Variants in EIF2AK3 observed in about 807,000 individuals in gnomAD.
EIF2AK3 encodes eukaryotic translation initiation factor 2-alpha kinase 3.
In EIF2AK3, 50 loss-of-function variants were observed where a neutral mutation model predicts 113.5. The ratio of observed to expected loss-of-function variants is 0.44; its 90% CI spans 0.35 to 0.56. The LOEUF (loss-of-function observed/expected upper bound fraction) is 0.56. Among genes scored for constraint, EIF2AK3 ranks in the 20% least tolerant of loss-of-function variants. The pLI, the probability that EIF2AK3 is intolerant of heterozygous loss-of-function variation, is 0.00. For synonymous variants in EIF2AK3, 448 were observed against 495.4 expected (o/e 0.90, Z 1.27); for missense variants, 1,185 against 1,378.0 (o/e 0.86, Z 2.22).
intron 13 of EIF2AK3, among the ~76,000 whole-genome samples, chr2:88,573,104 T>A (rs1461290691): frequency 3.4e-5 from 5 of 147,450 alleles, no homozygotes; most frequent in African/African-American, 5.2e-5. Flanking sequence ...GGAACAAAAA[T>A]CTTGGCTTTT....
At chr2:88,607,207 G>A (rs1409788797) in intron 2 of EIF2AK3, among the ~76,000 whole-genome samples, 3 of 152,130 alleles carry the variant, frequency 2.0e-5, no homozygotes, top group Non-Finnish European at 2.9e-5. Context: ...AAGAAAAAAC[G>A]ATGCTCATGT....
At chr2:88,567,344 G>A (rs1428205854) in intron 14 of EIF2AK3, among the ~76,000 whole-genome samples, 1 of 151,354 alleles carries the variant, frequency 6.6e-6, no homozygotes, top group Non-Finnish European at 1.5e-5. Context: ...CTTTCCCTTT[G>A]CTGCAGTTTG....
intron 2 of EIF2AK3, among the ~76,000 whole-genome samples, chr2:88,599,099 CAAAA>C (rs919222564): frequency 6.6e-5 from 10 of 151,104 alleles, no homozygotes; most frequent in East Asian, 1.9e-4. Flanking sequence ...AGTTTAAAAA[CAAAA>C]GAAAGGTACT....
chr2:88,569,924 A>G (rs988667558), intron 14 of EIF2AK3, among the ~76,000 whole-genome samples: 14 of 152,220 alleles, frequency 9.2e-5, no homozygotes, highest in African/African-American at 3.1e-4. Flanking sequence ...ACATACTGCA[A>G]CAGATTGAAC....
intron 2 of EIF2AK3, among the ~76,000 whole-genome samples, chr2:88,611,056 T>A (rs1675441088): frequency 6.6e-6 from 1 of 152,080 alleles, no homozygotes. Context: ...CCTCAATAAT[T>A]TTTTAGAGTA....
chr2:88,556,834 GGATT>G lies in EIF2AK3; in HGVS notation c.*898_*901del, dbSNP rs886056411. ...TGTTCTGTACACCACCAACCCAAAT[GGATT>G]GATTTCAGAATTTTTATAAATAAAA... On this transcript the variant is annotated 3_prime_UTR_variant, in exon 17 of 17. Transcript: ENST00000303236. The G allele has an allele frequency of 1.3e-4, 20 of 152,190 alleles. No homozygotes were observed. The highest frequency in any genetic ancestry group is 2.4e-4 in the African/African-American group (10 of 41,524). The allele number at this position is 152,190 out of a possible 1,614,324, so 9.4% of individuals were successfully genotyped here. A position where few individuals can be genotyped will look rare whatever the true frequency, so the allele number is the denominator to read the frequency against.
At chr2:88,583,405 T>C (rs889940930) in intron 10 of EIF2AK3, 25 bp downstream of exon 10, 2 of 1,548,294 alleles carry the variant, frequency 1.3e-6, no homozygotes, top group Non-Finnish European at 1.8e-6. Flanking sequence ...TTGATTCAGA[T>C]GGTTGTATTT....
In EIF2AK3 at chr2:88,574,542, C is replaced by A. The variant is rs575585330; in HGVS notation, c.2817+124G>T. 7.7e-4 allele frequency: 955 copies of A among 1,239,888 alleles called. 2 individuals carry two copies. The highest frequency in any genetic ancestry group is 1.0e-3 in the Middle Eastern group (4 of 3,828). 76.8% of individuals were successfully genotyped at this position (1,239,888 alleles called of 1,614,324 possible). A position where few individuals can be genotyped will look rare whatever the true frequency, so the allele number is the denominator to read the frequency against. On this transcript the variant is annotated intron_variant, in intron 13 of 16. Coordinates refer to ENST00000303236, the MANE Select transcript of EIF2AK3 (RefSeq NM_004836.7). ...GCCCCTTCGAGGCTACTTTCTCAGA[C>A]CTCTGCTCTCAGATGCTTTTACTCT...
At chr2:88,601,428 T>G (rs945779238) in intron 2 of EIF2AK3, among the ~76,000 whole-genome samples, 4 of 152,258 alleles carry the variant, frequency 2.6e-5, no homozygotes, top group Non-Finnish European at 1.5e-5. Context: ...CTACAGCCCA[T>G]GAGCCAAATC....
chr2:88,589,772 C>G (rs1674836164), intron 6 of EIF2AK3, among the ~76,000 whole-genome samples: 1 of 151,898 alleles, frequency 6.6e-6, no homozygotes, highest in African/African-American at 2.4e-5. Context: ...TAGGCTCTAA[C>G]TCCTGGGGTC....
intron 2 of EIF2AK3, among the ~76,000 whole-genome samples, chr2:88,611,570 T>C (rs917251845): frequency 6.6e-6 from 1 of 152,180 alleles, no homozygotes; most frequent in African/African-American, 2.4e-5. Context: ...TCAGGATTCT[T>C]TTCCTGCATG....
intron 8 of EIF2AK3, 79 bp from the exon 9 acceptor site, chr2:88,586,140 T>A (rs1467851702): frequency 8.7e-7 from 1 of 1,152,212 alleles, no homozygotes; most frequent in Non-Finnish European, 1.3e-6. Flanking sequence ...AATTTATCCA[T>A]TTTCCTGTGA....
At chr2:88,596,529 G>A (rs769945096) in intron 2 of EIF2AK3, among the ~76,000 whole-genome samples, 1 of 152,138 alleles carries the variant, frequency 6.6e-6, no homozygotes, top group South Asian at 2.1e-4. Context: ...GTGGAGAGGG[G>A]ATTATCAATA....
chr2:88,558,894 T>C (rs561904423), intron 16 of EIF2AK3, 23 bp downstream of exon 16: 1 of 1,552,486 alleles, frequency 6.4e-7, no homozygotes, highest in East Asian at 2.2e-5. Flanking sequence ...CTAAAGAAGA[T>C]AAAAGATGAG....
chr2:88,570,350 C>CTCTT (rs1393499407), intron 14 of EIF2AK3, among the ~76,000 whole-genome samples: 1 of 152,192 alleles, frequency 6.6e-6, no homozygotes, highest in Non-Finnish European at 1.5e-5. Context: ...TTCCAGGATG[C>CTCTT]CCTGCTCCCC....
intron 14 of EIF2AK3, 59 bp downstream of exon 14, chr2:88,570,814 GA>G: frequency 6.3e-7 from 1 of 1,595,412 alleles, no homozygotes; most frequent in Non-Finnish European, 8.6e-7. Context: ...GAAAACATGA[GA>G]AGAGATTCAT....
At chr2:88,603,749 T>G (rs1276892135) in intron 2 of EIF2AK3, among the ~76,000 whole-genome samples, 1 of 152,172 alleles carries the variant, frequency 6.6e-6, no homozygotes. Flanking sequence ...TCTTTCAAGG[T>G]GATTGATCTT....
In EIF2AK3 at chr2:88,613,941, G is replaced by A. The variant is rs1675513503; in HGVS notation, c.309-88C>T. 7.9e-5 allele frequency: 96 copies of A among 1,217,698 alleles called. No individual in the cohort carries two copies. In the South Asian group the frequency reaches 1.2e-3, roughly 16 times the overall value. The allele number at this position is 1,217,698 out of a possible 1,614,324, so 75.4% of individuals were successfully genotyped here. On this transcript the variant is annotated intron_variant, in intron 1 of 16. Coordinates refer to ENST00000303236, the MANE Select transcript of EIF2AK3 (RefSeq NM_004836.7). ...CATGCTCAAAAGAAAACCAGCCCAT[G>A]TCCAGGCCTCTATTCGTAGAAAGGA...
At position 88,576,646 on chromosome 2, in the gene EIF2AK3, G is replaced by A. The variant is rs758052102; in HGVS notation, c.1944C>T (p.His648=). ...REVKALAKLE[H]PGIVRYFNAW... ...CATTGAAATATCTAACAATGCCCGG[G>A]TGTTCAAGCTTGGCTAAGGCTTTAA... The change falls in exon 12 of 17, where the codon CAC becomes CAT. Residue 648 remains histidine, a synonymous_variant. Transcript: ENST00000303236. 1.2e-6 allele frequency: 2 copies of A among 1,614,092 alleles called. No homozygotes were observed. The highest frequency in any genetic ancestry group is 1.6e-4 in the Middle Eastern group (1 of 6,062).
Sources: allele counts gnomAD v4.1 joint callset (sites outside exome capture counted in the v4.1 genomes callset), GRCh38; gene constraint gnomAD v4.1.1; transcripts MANE v1.5; gene names NCBI Gene and HGNC (gene_info 2026-07-23, HGNC 2026-07-21).